The following TMEM132D variants were observed in gnomAD, a reference collection of about 807,000 sequenced individuals.
TMEM132D encodes transmembrane protein 132D, also known as mature OL transmembrane protein.
A neutral mutation model predicts 62.3 loss-of-function variants in TMEM132D; 21 were observed. The ratio of observed to expected loss-of-function variants is 0.34; its 90% CI spans 0.24 to 0.49. The LOEUF is 0.49. TMEM132D is among the 20% of genes least tolerant of loss of function. The pLI is 0.99. For missense variants in TMEM132D, 1,346 were observed against 1,402.8 expected (o/e 0.96, Z 0.65); for synonymous variants, 621 against 575.6 (o/e 1.08, Z -1.13).
chr12:129,699,537 C>T (rs1679008380), intron 2 of TMEM132D, among the ~76,000 whole-genome samples: 1 of 152,180 alleles, frequency 6.6e-6, no homozygotes. Flanking sequence ...TGATAATACC[C>T]TAAGCTAAGG....
intron 4 of TMEM132D, among the ~76,000 whole-genome samples, chr12:129,214,832 G>T (rs760323670): frequency 3.9e-5 from 6 of 152,100 alleles, no homozygotes; most frequent in Non-Finnish European, 8.8e-5. Flanking sequence ...GACATTGTGG[G>T]GTAAAGGGAA....
At chr12:129,573,349 G>T (rs1593071027) in intron 2 of TMEM132D, among the ~76,000 whole-genome samples, 1 of 152,300 alleles carries the variant, frequency 6.6e-6, no homozygotes, top group East Asian at 1.9e-4. Context: ...CCTGAGAGAA[G>T]AGGGAGGCTT....
intron 1 of TMEM132D, among the ~76,000 whole-genome samples, chr12:129,783,049 C>T (rs1467705010): frequency 2.0e-5 from 3 of 152,192 alleles, no homozygotes; most frequent in Admixed American, 1.3e-4. Flanking sequence ...TGCTAGTAAA[C>T]GTCGCCCTAA....
intron 3 of TMEM132D, among the ~76,000 whole-genome samples, chr12:129,518,776 T>C (rs1253443303): frequency 2.0e-5 from 3 of 152,154 alleles, no homozygotes; most frequent in Non-Finnish European, 4.4e-5. Context: ...TATTTAATCA[T>C]GCCTGTATTC....
At chr12:129,743,144 C>T (rs1191033848) in intron 1 of TMEM132D, among the ~76,000 whole-genome samples, 3 of 152,244 alleles carry the variant, frequency 2.0e-5, no homozygotes, top group African/African-American at 7.2e-5. Context: ...CTACATCTTC[C>T]AAAGTCGTCC....
At chr12:129,191,028 C>G (rs1006933396) in intron 5 of TMEM132D, among the ~76,000 whole-genome samples, 1 of 152,040 alleles carries the variant, frequency 6.6e-6, no homozygotes, top group African/African-American at 2.4e-5. Context: ...TCCAGACGCC[C>G]CCTCCGGGTC....
At chr12:129,485,934 T>C (rs931806676) in intron 3 of TMEM132D, among the ~76,000 whole-genome samples, 3 of 152,238 alleles carry the variant, frequency 2.0e-5, no homozygotes, top group Non-Finnish European at 2.9e-5. Context: ...GTGTAGCAGA[T>C]GCTGTTGGTG....
At chr12:129,346,996 A>C (rs181254170) in intron 3 of TMEM132D, among the ~76,000 whole-genome samples, 36 of 152,334 alleles carry the variant, frequency 2.4e-4, no homozygotes, top group Non-Finnish European at 4.3e-4. Flanking sequence ...AATACAACTT[A>C]TGAGGGACGT....
chr12:129,790,807 C>T lies in TMEM132D; in HGVS notation c.80-90109G>A, dbSNP rs189917271. On this transcript the variant is annotated intron_variant, in intron 1 of 8. Coordinates refer to ENST00000422113, the MANE Select transcript of TMEM132D (RefSeq NM_133448.3). ...CCTCCTGTCCTTATCAGTCATAATT[C>T]TGTTTTCCCTGCAAATAAACATCTT... Among the ~76,000 whole-genome samples, 143 of 152,316 alleles carry T rather than the reference C, an allele frequency of 9.4e-4. 1 individual carries two copies. The highest frequency in any genetic ancestry group is 3.4e-3 in the Middle Eastern group (1 of 294).
At chr12:129,556,406 A>G (rs911909639) in intron 2 of TMEM132D, among the ~76,000 whole-genome samples, 5 of 151,928 alleles carry the variant, frequency 3.3e-5, no homozygotes, top group African/African-American at 1.2e-4. Context: ...CGCAAATCCT[A>G]GCATGTCTCT....
At chr12:129,336,486 G>C (rs946451031) in intron 4 of TMEM132D, among the ~76,000 whole-genome samples, 27 of 151,916 alleles carry the variant, frequency 1.8e-4, no homozygotes, top group African/African-American at 6.1e-4. Flanking sequence ...TGAGACAGGA[G>C]AATCAACCCC....
chr12:129,137,019 C>A (rs1256859610), intron 5 of TMEM132D, among the ~76,000 whole-genome samples: 2 of 147,294 alleles, frequency 1.4e-5, no homozygotes, highest in African/African-American at 2.5e-5. Flanking sequence ...TCACAATTAC[C>A]ATCATCACAC....
intron 3 of TMEM132D, among the ~76,000 whole-genome samples, chr12:129,465,145 AT>A (rs1408572336): frequency 5.9e-5 from 9 of 152,172 alleles, no homozygotes; most frequent in African/African-American, 1.7e-4. Flanking sequence ...CTTTTATTTC[AT>A]TGAGCAGTGA....
Position 129,081,900 on chromosome 12 carries a change from C to A in TMEM132D, c.1782G>T (p.Leu594=). The A allele has an allele frequency of 6.2e-7, 1 of 1,614,088 alleles. No homozygotes were observed. Among genetic ancestry groups the A allele is most frequent in the Non-Finnish European group, 8.5e-7 (1 of 1,180,036 alleles). Residue 594 remains leucine (L), a synonymous_variant, in exon 7 of 9, where the codon CTG becomes CTT. Transcript: ENST00000422113. ...VAEAAGPGGH[L]AHLLGSDWQV... ...GCCAGTCTGAGCCCAGCAGGTGGGCCAGGTGTCCCCCAGGGCCGGCCGCCT... is the reference window on the plus strand; with the variant it reads ...GCCAGTCTGAGCCCAGCAGGTGGGCAAGGTGTCCCCCAGGGCCGGCCGCCT...
At chr12:129,287,462 T>C (rs1427774812) in intron 4 of TMEM132D, among the ~76,000 whole-genome samples, 1 of 152,238 alleles carries the variant, frequency 6.6e-6, no homozygotes, top group African/African-American at 2.4e-5. Flanking sequence ...ATTAATAGGA[T>C]ATTTACATAG....
chr12:129,127,633 G>C (rs749615239), intron 5 of TMEM132D, among the ~76,000 whole-genome samples: 2 of 152,146 alleles, frequency 1.3e-5, no homozygotes, highest in Non-Finnish European at 2.9e-5. Context: ...TTTTTGGACA[G>C]GTTGAATGGA....
At chr12:129,396,530 G>A (rs1477357763) in intron 3 of TMEM132D, among the ~76,000 whole-genome samples, 1 of 152,190 alleles carries the variant, frequency 6.6e-6, no homozygotes. Context: ...ACTCAACGCT[G>A]CTGGGCCATT....
At chr12:129,233,595 A>T (rs1182753502) in intron 4 of TMEM132D, among the ~76,000 whole-genome samples, 1 of 152,078 alleles carries the variant, frequency 6.6e-6, no homozygotes, top group African/African-American at 2.4e-5. Flanking sequence ...AACTGATATT[A>T]TTAATTTTTA....
At chr12:129,255,856 C>T (rs1342531706) in intron 4 of TMEM132D, among the ~76,000 whole-genome samples, 1 of 152,168 alleles carries the variant, frequency 6.6e-6, no homozygotes, top group Non-Finnish European at 1.5e-5. Flanking sequence ...ATCTCCTTAT[C>T]GCTCATTGAC....
Sources: gnomAD v4.1 joint callset for allele counts (sites outside exome capture counted in the v4.1 genomes callset) on GRCh38, gnomAD v4.1.1 for gene constraint, MANE v1.5 for transcripts, NCBI Gene and HGNC (gene_info 2026-07-23, HGNC 2026-07-21) for gene names.